The following CEMIP variants were observed in gnomAD, a reference collection of about 807,000 sequenced individuals.
CEMIP encodes cell migration-inducing and hyaluronan-binding protein.
In CEMIP, 105 loss-of-function variants were observed where a neutral mutation model predicts 156.9. The observed-to-expected ratio is 0.67, with a 90% CI of 0.57 to 0.79. The LOEUF (loss-of-function observed/expected upper bound fraction) is 0.79. Ranked by LOEUF, CEMIP falls within the 30% of genes least tolerant of loss-of-function variation. The pLI, the probability that CEMIP is intolerant of heterozygous loss-of-function variation, is 0.00. For synonymous variants in CEMIP, 676 were observed against 668.4 expected (o/e 1.01, Z -0.17); for missense variants, 1,457 against 1,769.4 (o/e 0.82, Z 3.17).
At chr15:80,834,591 C>G (rs970766427) in intron 1 of CEMIP, among the ~76,000 whole-genome samples, 1 of 152,210 alleles carries the variant, frequency 6.6e-6, no homozygotes, top group African/African-American at 2.4e-5. Context: ...TGTCTATAAT[C>G]CGTGTGGCTG....
chr15:80,889,417 A>C (rs1898959682), intron 9 of CEMIP, 54 bp from the exon 10 acceptor site: 1 of 1,612,740 alleles, frequency 6.2e-7, no homozygotes, highest in African/African-American at 1.3e-5. Flanking sequence ...ACTGAGTGTG[A>C]CTTGCCCTCA....
At chr15:80,782,763 A>G (rs750503188) in intron 1 of CEMIP, among the ~76,000 whole-genome samples, 4 of 152,222 alleles carry the variant, frequency 2.6e-5, no homozygotes, top group Non-Finnish European at 5.9e-5. Flanking sequence ...TGAAGAATAC[A>G]TGCTACAGAT....
intron 5 of CEMIP, among the ~76,000 whole-genome samples, 189 bp downstream of exon 5, chr15:80,880,043 A>G (rs1261054696): frequency 2.0e-5 from 3 of 152,220 alleles, no homozygotes; most frequent in African/African-American, 7.2e-5. Context: ...AAGGCTTGTT[A>G]TTTATAGTGG....
intron 1 of CEMIP, among the ~76,000 whole-genome samples, chr15:80,788,761 C>G (rs537998398): frequency 6.6e-6 from 1 of 152,202 alleles, no homozygotes; most frequent in Non-Finnish European, 1.5e-5. Flanking sequence ...TTGTTTTGCA[C>G]TAACGTTGCT....
At chr15:80,890,570 G>C (rs1326621950) in intron 10 of CEMIP, among the ~76,000 whole-genome samples, 1 of 146,502 alleles carries the variant, frequency 6.8e-6, no homozygotes, top group South Asian at 2.2e-4. Context: ...CTGGGTGACC[G>C]AGCAAGACTC....
At chr15:80,942,860 C>T (rs1433158745) in intron 27 of CEMIP, 85 bp from the exon 28 acceptor site, 15 of 1,519,396 alleles carry the variant, frequency 9.9e-6, no homozygotes, top group East Asian at 2.2e-5. Flanking sequence ...CTTCTGCCTT[C>T]AGGGTCTGCT....
intron 19 of CEMIP, 37 bp from the exon 20 acceptor site, chr15:80,928,865 G>C (rs1436697166): frequency 4.3e-6 from 7 of 1,612,816 alleles, no homozygotes; most frequent in Non-Finnish European, 5.1e-6. Context: ...TGTGAAGCCA[G>C]GGCATGCTCT....
At chr15:80,853,561 T>C (rs1012500815) in intron 1 of CEMIP, among the ~76,000 whole-genome samples, 1 of 152,262 alleles carries the variant, frequency 6.6e-6, no homozygotes, top group South Asian at 2.1e-4. Context: ...ATGGTGGTCT[T>C]TGAAGCCCTA....
At chr15:80,866,327 A>T (rs2866982) in intron 1 of CEMIP, among the ~76,000 whole-genome samples, 3 of 151,984 alleles carry the variant, frequency 2.0e-5, no homozygotes, top group African/African-American at 4.8e-5. Context: ...CGTTGGCTCA[A>T]GCCTGTAATC....
rs1262673386 is a variant in CEMIP, at chr15:80,873,389, C to T, written c.-175-149C>T. Reference sequence around the variant, plus strand: ...GATAATGTAAAGGTTAGAAATCAGCCAGTCCACACCCTCATTTTAAAGGTT... The same window carrying T: ...GATAATGTAAAGGTTAGAAATCAGCTAGTCCACACCCTCATTTTAAAGGTT... On this transcript the variant is annotated intron_variant, in intron 1 of 29. Coordinates refer to ENST00000394685, the MANE Select transcript of CEMIP (RefSeq NM_001293298.2). The T allele has an allele frequency of 1.5e-5, 3 of 200,510 alleles. No individual in the cohort carries two copies. In the Admixed American group the frequency reaches 1.6e-4, roughly 11 times the overall value. The allele number at this position is 200,510 out of a possible 1,614,324, so 12.4% of individuals were successfully genotyped here. A position where few individuals can be genotyped will look rare whatever the true frequency, so the allele number is the denominator to read the frequency against.
At chr15:80,790,138 A>T (rs1896044645) in intron 1 of CEMIP, among the ~76,000 whole-genome samples, 1 of 152,222 alleles carries the variant, frequency 6.6e-6, no homozygotes, top group African/African-American at 2.4e-5. Flanking sequence ...TTCTTCATTC[A>T]GAGACAGGAC....
intron 28 of CEMIP, among the ~76,000 whole-genome samples, chr15:80,943,870 C>G (rs1261212308): frequency 6.6e-6 from 1 of 152,172 alleles, no homozygotes; most frequent in Non-Finnish European, 1.5e-5. Context: ...GTTTAAACTT[C>G]TTAAATGTAG....
At chr15:80,897,287 C>T (rs1210513935) in intron 12 of CEMIP, 1 of 456,010 alleles carries the variant, frequency 2.2e-6, no homozygotes, top group Non-Finnish European at 4.4e-6. Flanking sequence ...ACCCACAGAA[C>T]ATAAAATTCA....
At chr15:80,855,967 G>A (rs183649586) in intron 1 of CEMIP, among the ~76,000 whole-genome samples, 15 of 152,328 alleles carry the variant, frequency 9.8e-5, no homozygotes, top group East Asian at 3.9e-4. Flanking sequence ...ACACAGCAAC[G>A]TAGGTGAATC....
At chr15:80,947,123 G>C in intron 29 of CEMIP, 58 bp downstream of exon 29, 2 of 1,095,526 alleles carry the variant, frequency 1.8e-6, no homozygotes, top group South Asian at 2.6e-5. Context: ...CAAATGCCTG[G>C]CATGGAGGGT....
At chr15:80,892,269 G>C (rs1253962639) in intron 10 of CEMIP, among the ~76,000 whole-genome samples, 2 of 152,166 alleles carry the variant, frequency 1.3e-5, no homozygotes, top group Admixed American at 1.3e-4. Context: ...GGAGGAGGCA[G>C]GTTGGGAAGA....
At chr15:80,813,339 C>G (rs1161524730) in intron 1 of CEMIP, among the ~76,000 whole-genome samples, 1 of 149,528 alleles carries the variant, frequency 6.7e-6, no homozygotes, top group African/African-American at 2.5e-5. Context: ...GTAATAGGAG[C>G]AGCAGTACGG....
chr15:80,944,938 T>A (rs1901484411), intron 28 of CEMIP, among the ~76,000 whole-genome samples: 1 of 152,204 alleles, frequency 6.6e-6, no homozygotes, highest in African/African-American at 2.4e-5. Context: ...GGGCTGGCGC[T>A]GGGCACCCAG....
At chr15:80,919,864 C>T (rs922210640) in intron 14 of CEMIP, among the ~76,000 whole-genome samples, 1 of 151,956 alleles carries the variant, frequency 6.6e-6, no homozygotes. Context: ...TTCCCCAGGC[C>T]TATCACTTGT....
Sources: gnomAD v4.1 joint callset for allele counts (sites outside exome capture counted in the v4.1 genomes callset) on GRCh38, gnomAD v4.1.1 for gene constraint, MANE v1.5 for transcripts, NCBI Gene and HGNC (gene_info 2026-07-23, HGNC 2026-07-21) for gene names.